UGT1A10: variants seen among roughly 807,000 people sequenced by gnomAD.
The protein encoded by UGT1A10 is UDP-glucuronosyltransferase 1A10.
Under a neutral mutation model 45.8 loss-of-function variants are expected in UGT1A10, and 49 were observed. That is an observed-to-expected ratio of 1.07 (90% CI 0.85 to 1.36). The LOEUF is 1.36. Among genes scored for constraint, UGT1A10 ranks in the 40% most tolerant of loss-of-function variants. The probability of loss-of-function intolerance (pLI) is 0.00; values close to 1 mark genes in which losing one functional copy is unlikely to be tolerated. For missense variants in UGT1A10, 745 were observed against 668.6 expected (o/e 1.11, Z -1.26); for synonymous variants, 284 against 249.7 (o/e 1.14, Z -1.29).
intron 1 of UGT1A10, among the ~76,000 whole-genome samples, chr2:233,709,556 A>C (rs971239686): frequency 6.6e-6 from 1 of 152,160 alleles, no homozygotes; most frequent in Non-Finnish European, 1.5e-5. Flanking sequence ...AGTACTTATA[A>C]ATTTAAACTT....
chr2:233,722,092 G>A, intron 1 of UGT1A10: 1 of 213,982 alleles, frequency 4.7e-6, no homozygotes, highest in South Asian at 7.6e-5. Context: ...GATCACCTTA[G>A]GCCTCTTAGA....
In UGT1A10 at chr2:233,714,646, G is replaced by T. The variant is rs2076402815; in HGVS notation, c.856-52388G>T. On this transcript the variant is annotated intron_variant, in intron 1 of 4. Transcript: ENST00000344644. ...AACCACTAAAATTAATGTGAATAAT[G>T]CATTTTATTTAACCAGATGTATCCC... 2.0e-5 allele frequency among the ~76,000 whole-genome samples: 3 copies of T among 152,178 alleles called. No individual in the cohort carries two copies. In the South Asian group the frequency reaches 6.2e-4, roughly 32 times the overall value.
intron 1 of UGT1A10, among the ~76,000 whole-genome samples, chr2:233,645,915 G>C (rs977778052): frequency 1.3e-5 from 2 of 152,206 alleles, no homozygotes; most frequent in African/African-American, 4.8e-5. Flanking sequence ...CTGTTTGGGG[G>C]CTTCAACCCC....
At chr2:233,717,827 C>T (rs2125656433) in intron 1 of UGT1A10, 1 of 455,482 alleles carries the variant, frequency 2.2e-6, no homozygotes, top group South Asian at 1.6e-5. Context: ...CCGTTCTGTT[C>T]TGGAGGAACC....
At chr2:233,672,580 G>A in intron 1 of UGT1A10, 1 of 1,613,860 alleles carries the variant, frequency 6.2e-7, no homozygotes, top group Non-Finnish European at 8.5e-7. Flanking sequence ...GCACTTGGAG[G>A]AACATTTATT....
intron 1 of UGT1A10, among the ~76,000 whole-genome samples, chr2:233,752,077 C>T (rs1281273194): frequency 6.6e-6 from 1 of 152,216 alleles, no homozygotes; most frequent in Non-Finnish European, 1.5e-5. Context: ...GGAAGTCTCT[C>T]TACCTGTTTG....
chr2:233,642,621 G>A (rs1333392125), intron 1 of UGT1A10, among the ~76,000 whole-genome samples: 2 of 152,184 alleles, frequency 1.3e-5, no homozygotes, highest in Non-Finnish European at 2.9e-5. Flanking sequence ...GGTGTTTATT[G>A]TAGTCTTCAT....
intron 1 of UGT1A10, chr2:233,729,592 C>A (rs1253832448): frequency 6.2e-7 from 1 of 1,613,966 alleles, no homozygotes; most frequent in African/African-American, 1.3e-5. Flanking sequence ...CCCCGTTAAC[C>A]TCTGCGCGGC....
At chr2:233,728,977 G>C (rs1437469513) in intron 1 of UGT1A10, 13 of 1,494,456 alleles carry the variant, frequency 8.7e-6, no homozygotes, top group Admixed American at 2.1e-5. Flanking sequence ...ATAGATTAAT[G>C]GTTAATAATT....
intron 1 of UGT1A10, among the ~76,000 whole-genome samples, chr2:233,688,262 C>T (rs1179376134): frequency 2.6e-5 from 4 of 152,160 alleles, no homozygotes; most frequent in Admixed American, 1.3e-4. Flanking sequence ...TTTACATGGC[C>T]GAATATTCCA....
At chr2:233,709,119 A>T (rs1007025672) in intron 1 of UGT1A10, among the ~76,000 whole-genome samples, 3 of 152,074 alleles carry the variant, frequency 2.0e-5, no homozygotes, top group African/African-American at 7.2e-5. Flanking sequence ...TGAACTAATC[A>T]TGGTGGCCAA....
At chr2:233,669,684 T>C (rs946455339) in intron 1 of UGT1A10, among the ~76,000 whole-genome samples, 1 of 152,122 alleles carries the variant, frequency 6.6e-6, no homozygotes, top group African/African-American at 2.4e-5. Context: ...TGTGGGTTTC[T>C]TTTTGTTTTT....
intron 1 of UGT1A10, among the ~76,000 whole-genome samples, chr2:233,661,596 G>A (rs951229591): frequency 6.9e-6 from 1 of 144,094 alleles, no homozygotes; most frequent in Non-Finnish European, 1.6e-5. Flanking sequence ...AAGCCTGCTG[G>A]CATCACTGCA....
In UGT1A10 at chr2:233,637,273, T is replaced by C. The variant is rs1292087477; in HGVS notation, c.751T>C (p.Trp251Arg). The stretch of plus-strand genomic sequence containing the variant: ...TGATCTCTACAGTCACACATCAATT[T>C]GGTTGTTGCGAACGGACTTTGTTTT... ...AYDLYSHTSI[W>R]LLRTDFVLDY... Residue 251 changes from tryptophan (W) to arginine (R), a missense_variant, in exon 1 of 5, where the codon TGG (tryptophan) becomes CGG (arginine). By Grantham distance (101) the Trp-to-Arg change is moderately radical. Transcript: ENST00000344644. 2 of 1,613,984 alleles carry C rather than the reference T, an allele frequency of 1.2e-6. No individual in the cohort carries two copies. Among genetic ancestry groups the C allele is most frequent in the Non-Finnish European group, 8.5e-7 (1 of 1,179,860 alleles).
chr2:233,697,784 C>A (rs1333897436), intron 1 of UGT1A10, among the ~76,000 whole-genome samples: 1 of 151,880 alleles, frequency 6.6e-6, no homozygotes, highest in African/African-American at 2.4e-5. Context: ...CATTTTCATT[C>A]GTTTCAAGTA....
intron 1 of UGT1A10, among the ~76,000 whole-genome samples, chr2:233,735,445 G>A (rs1440470115): frequency 6.6e-6 from 1 of 152,036 alleles, no homozygotes; most frequent in Non-Finnish European, 1.5e-5. Flanking sequence ...GCATACCGAT[G>A]GGCCTTGACT....
At chr2:233,644,808 A>G (rs991155240) in intron 1 of UGT1A10, among the ~76,000 whole-genome samples, 2 of 152,106 alleles carry the variant, frequency 1.3e-5, no homozygotes, top group Admixed American at 1.3e-4. Context: ...TCTGAGTTAT[A>G]TAAAATGAAA....
At chr2:233,640,640 G>A (rs1452873149) in intron 1 of UGT1A10, among the ~76,000 whole-genome samples, 1 of 152,150 alleles carries the variant, frequency 6.6e-6, no homozygotes, top group South Asian at 2.1e-4. Context: ...GGAGAGAACA[G>A]TCTCTTTTTT....
At chr2:233,722,242 C>G (rs1184629735) in intron 1 of UGT1A10, among the ~76,000 whole-genome samples, 1 of 152,204 alleles carries the variant, frequency 6.6e-6, no homozygotes, top group Non-Finnish European at 1.5e-5. Context: ...CATGTATTAT[C>G]TGTGACAGAC....
Sources: allele counts gnomAD v4.1 joint callset (sites outside exome capture counted in the v4.1 genomes callset), GRCh38; gene constraint gnomAD v4.1.1; transcripts MANE v1.5; gene names NCBI Gene and HGNC (gene_info 2026-07-23, HGNC 2026-07-21).